FGFR2: variants seen among roughly 807,000 people sequenced by gnomAD.
FGFR2 encodes the protein BEK fibroblast growth factor receptor.
A neutral mutation model predicts 95.9 loss-of-function variants in FGFR2; 19 were observed. The ratio of observed to expected loss-of-function variants is 0.20; its 90% CI spans 0.14 to 0.29. FGFR2 has a LOEUF of 0.29. Ranked by LOEUF, FGFR2 falls within the 10% of genes least tolerant of loss-of-function variation. FGFR2 has a pLI of 1.00. For synonymous variants in FGFR2, 392 were observed against 393.3 expected (o/e 1.00, Z 0.04); for missense variants, 707 against 1,056.9 (o/e 0.67, Z 4.59).
At chr10:121,552,068 TA>T (rs968462146) in intron 4 of FGFR2, among the ~76,000 whole-genome samples, 4 of 150,610 alleles carry the variant, frequency 2.7e-5, no homozygotes, top group Admixed American at 6.6e-5. Context: ...CTTTTTTAAT[TA>T]AAAAAAAAAT....
chr10:121,479,663 T>C lies in FGFR2; in HGVS notation c.*194A>G. 1.9e-6 allele frequency: 3 copies of C among 1,552,866 alleles called. No individual in the cohort carries two copies. Among genetic ancestry groups the C allele is most frequent in the Non-Finnish European group, 2.6e-6 (3 of 1,147,500 alleles). On this transcript the variant is annotated 3_prime_UTR_variant, in exon 18 of 18. Transcript: ENST00000358487. Reference sequence around the variant, plus strand: ...GCAGTCCACTGCTCCAGAAACCTTCTTCTCCTCCTGGGGAAGATTACAAGT... The same window carrying C: ...GCAGTCCACTGCTCCAGAAACCTTCCTCTCCTCCTGGGGAAGATTACAAGT...
intron 2 of FGFR2, among the ~76,000 whole-genome samples, chr10:121,591,646 G>C (rs1425221571): frequency 6.6e-6 from 1 of 152,168 alleles, no homozygotes; most frequent in African/African-American, 2.4e-5. Flanking sequence ...GCCAGGTTTT[G>C]CACCTTCCTC....
intron 9 of FGFR2, among the ~76,000 whole-genome samples, chr10:121,514,317 A>G (rs1849410939): frequency 6.6e-6 from 1 of 152,218 alleles, no homozygotes; most frequent in African/African-American, 2.4e-5. Flanking sequence ...GAGCTGAGGC[A>G]TTTCCTGTCC....
chr10:121,576,068 T>C (rs1193050443), intron 2 of FGFR2, among the ~76,000 whole-genome samples: 2 of 151,406 alleles, frequency 1.3e-5, no homozygotes, highest in East Asian at 3.9e-4. Flanking sequence ...ACGCCTGTAA[T>C]CCCAGCTACT....
intron 2 of FGFR2, among the ~76,000 whole-genome samples, chr10:121,573,331 C>G (rs1393958793): frequency 1.3e-5 from 2 of 152,160 alleles, no homozygotes; most frequent in African/African-American, 4.8e-5. Flanking sequence ...ACAAATTAAG[C>G]CTTTTCTGGG....
At chr10:121,504,184 C>T (rs756398605) in intron 9 of FGFR2, among the ~76,000 whole-genome samples, 1 of 152,196 alleles carries the variant, frequency 6.6e-6, no homozygotes, top group African/African-American at 2.4e-5. Context: ...TTTTTCTATA[C>T]CATCTGATCA....
chr10:121,538,798 G>A (rs1853253494), intron 5 of FGFR2, 83 bp from the exon 6 acceptor site: 2 of 1,575,338 alleles, frequency 1.3e-6, no homozygotes, highest in Admixed American at 3.4e-5. Context: ...TTAAAAAGAA[G>A]CTGAAGGAGG....
At chr10:121,489,293 C>T (rs960094078) in intron 13 of FGFR2, among the ~76,000 whole-genome samples, 3 of 152,062 alleles carry the variant, frequency 2.0e-5, no homozygotes, top group Non-Finnish European at 2.9e-5. Context: ...AGGCTGGTCT[C>T]GAACTCCTGA....
chr10:121,586,245 G>A (rs1310288547), intron 2 of FGFR2, among the ~76,000 whole-genome samples: 2 of 152,180 alleles, frequency 1.3e-5, no homozygotes, highest in African/African-American at 4.8e-5. Context: ...TCAGAATTGA[G>A]TCCTCTCCAA....
rs750509335 is a variant in FGFR2, at chr10:121,485,364, G to C, written c.2195+31C>G. ...TATTACTGGTGTGGCAAGTCCACTG[G>C]GGCACCGGCAGGAAAGACAACAGCC... On this transcript the variant is annotated intron_variant, in intron 16 of 17. Coordinates refer to ENST00000358487, the MANE Select transcript of FGFR2 (RefSeq NM_000141.5). The surrounding 1 kb of genome is among the most constrained non-coding windows in gnomAD (Gnocchi z 4.2). 6.2e-7 allele frequency: 1 copy of C among 1,613,894 alleles called. No homozygotes were observed. The highest frequency in any genetic ancestry group is 1.3e-5 in the African/African-American group (1 of 74,976).
intron 17 of FGFR2, 72 bp from the exon 18 acceptor site, chr10:121,480,093 C>G (rs1322755259): frequency 2.9e-6 from 4 of 1,380,470 alleles, no homozygotes; most frequent in Middle Eastern, 1.8e-4. Flanking sequence ...GTTCGAGAGG[C>G]TGACTGAGGT....
intron 6 of FGFR2, among the ~76,000 whole-genome samples, chr10:121,536,365 T>C (rs1852815173): frequency 6.6e-6 from 1 of 152,218 alleles, no homozygotes; most frequent in South Asian, 2.1e-4. Context: ...TGGAAAATTA[T>C]TGGAGTTGAG....
Position 121,479,454 on chromosome 10 carries a change from T to C in FGFR2, c.*403A>G, listed in dbSNP as rs3135826. 0.02 allele frequency: 9,105 copies of C among 455,472 alleles called. 148 individuals carry two copies. The highest frequency in any genetic ancestry group is 0.028 in the Non-Finnish European group (7,419 of 264,150). 28.2% of individuals were successfully genotyped at this position (455,472 alleles called of 1,614,324 possible). A position where few individuals can be genotyped will look rare whatever the true frequency, so the allele number is the denominator to read the frequency against. On this transcript the variant is annotated 3_prime_UTR_variant, in exon 18 of 18. Transcript: ENST00000358487. ...ATATAATATATATTTATACATAATT[T>C]GAATATATTTACATACATCCAGCAC...
intron 9 of FGFR2, among the ~76,000 whole-genome samples, chr10:121,506,099 G>A (rs997746201): frequency 6.6e-6 from 1 of 152,100 alleles, no homozygotes; most frequent in East Asian, 1.9e-4. Flanking sequence ...GGCTCACGCC[G>A]TAATCTCAGC....
At chr10:121,539,954 G>A (rs1408371084) in intron 5 of FGFR2, among the ~76,000 whole-genome samples, 3 of 152,322 alleles carry the variant, frequency 2.0e-5, no homozygotes, top group East Asian at 1.9e-4. Context: ...TAAGAGATGC[G>A]AAGAGCACAC....
chr10:121,509,520 A>G (rs1848778645), intron 9 of FGFR2, among the ~76,000 whole-genome samples: 1 of 110,862 alleles, frequency 9.0e-6, no homozygotes, highest in African/African-American at 3.5e-5. Flanking sequence ...GGTTTGAGAC[A>G]GAGTTTCACT....
At chr10:121,565,365 T>C (rs975226860) in intron 3 of FGFR2, 73 bp downstream of exon 3, 2 of 1,594,346 alleles carry the variant, frequency 1.3e-6, no homozygotes, top group East Asian at 2.2e-5. Context: ...GAGATCTCAC[T>C]ACCTTTTCAC....
intron 2 of FGFR2, among the ~76,000 whole-genome samples, chr10:121,586,054 C>A (rs1861777323): frequency 6.6e-6 from 1 of 152,168 alleles, no homozygotes; most frequent in African/African-American, 2.4e-5. Context: ...ATACACACAC[C>A]ATAGATACAC....
At chr10:121,548,920 A>G (rs1262060341) in intron 5 of FGFR2, among the ~76,000 whole-genome samples, 3 of 152,152 alleles carry the variant, frequency 2.0e-5, no homozygotes, top group African/African-American at 7.2e-5. Flanking sequence ...AAAAGGGCCA[A>G]CCTTTGAATC....
Sources: gnomAD v4.1 joint callset for allele counts (sites outside exome capture counted in the v4.1 genomes callset) on GRCh38, gnomAD v4.1.1 for gene constraint, Gnocchi (gnomAD v3.1) non-coding constraint, MANE v1.5 for transcripts, NCBI Gene and HGNC (gene_info 2026-07-23, HGNC 2026-07-21) for gene names.